Variants in THEMIS observed in about 807,000 individuals in gnomAD.
THEMIS encodes the protein thymocyte selection associated, also known as protein THEMIS.
Under a neutral mutation model 52.6 loss-of-function variants are expected in THEMIS, and 37 were observed. The observed-to-expected ratio is 0.70, with a 90% CI of 0.54 to 0.93. The LOEUF is 0.93. THEMIS is among the 40% of genes least tolerant of loss of function. The pLI, the probability that THEMIS is intolerant of heterozygous loss-of-function variation, is 0.00. For missense variants in THEMIS, 808 were observed against 763.1 expected, an observed-to-expected ratio of 1.06 and a Z score of -0.69; for synonymous variants, 292 against 272.7, an observed-to-expected ratio of 1.07 and a Z score of -0.70.
intron 3 of THEMIS, among the ~76,000 whole-genome samples, chr6:127,821,731 T>C (rs1468566027): frequency 6.6e-6 from 1 of 152,022 alleles, no homozygotes; most frequent in Admixed American, 6.5e-5. Flanking sequence ...ACTAAAATTG[T>C]CTTTAAAGAG....
intron 1 of THEMIS, among the ~76,000 whole-genome samples, chr6:127,914,362 C>T (rs1781474618): frequency 6.6e-6 from 1 of 152,054 alleles, no homozygotes; most frequent in South Asian, 2.1e-4. Flanking sequence ...TTTGTAAATT[C>T]CTAAGGGACG....
chr6:127,704,677 C>T (rs117584535), downstream of THEMIS, among the ~76,000 whole-genome samples: 540 of 152,308 alleles, frequency 3.5e-3, 8 homozygotes, highest in East Asian at 0.041. Context: ...GTAAGCCCAG[C>T]AGCAGCACTT....
chr6:127,872,190 A>G (rs1331523789), intron 1 of THEMIS, among the ~76,000 whole-genome samples: 2 of 152,170 alleles, frequency 1.3e-5, no homozygotes, highest in African/African-American at 2.4e-5. Flanking sequence ...TTAACAGGCT[A>G]AAAAAAGGTA....
At chr6:127,843,921 C>T (rs1356787651) in intron 2 of THEMIS, among the ~76,000 whole-genome samples, 1 of 151,990 alleles carries the variant, frequency 6.6e-6, no homozygotes, top group Non-Finnish European at 1.5e-5. Flanking sequence ...GTCAAATCTT[C>T]AGAGACTCCA....
intron 4 of THEMIS, among the ~76,000 whole-genome samples, chr6:127,788,884 T>C (rs1472493493): frequency 1.3e-5 from 2 of 152,060 alleles, no homozygotes; most frequent in Non-Finnish European, 2.9e-5. Context: ...AAAGTAGTGT[T>C]TAGAGTGAAA....
chr6:127,772,127 A>C (rs2114442576), intron 4 of THEMIS, among the ~76,000 whole-genome samples: 1 of 151,990 alleles, frequency 6.6e-6, no homozygotes, highest in African/African-American at 2.4e-5. Flanking sequence ...ATTAATAGAT[A>C]TCTAGATTTC....
At chr6:127,784,445 T>C (rs2114494072) in intron 4 of THEMIS, among the ~76,000 whole-genome samples, 1 of 152,328 alleles carries the variant, frequency 6.6e-6, no homozygotes, top group Middle Eastern at 3.4e-3. Flanking sequence ...TATATCCCTC[T>C]TGCTTCTCAG....
intron 4 of THEMIS, among the ~76,000 whole-genome samples, chr6:127,795,397 C>T (rs1343594307): frequency 2.0e-5 from 3 of 152,128 alleles, no homozygotes; most frequent in East Asian, 1.9e-4. Context: ...GGCACGATCT[C>T]GGCTCACTGC....
intron 4 of THEMIS, among the ~76,000 whole-genome samples, chr6:127,805,190 GTGGTAAATATCTCAAAGGAGACCAA>G (rs1435935777): frequency 2.0e-5 from 3 of 152,012 alleles, no homozygotes; most frequent in Admixed American, 2.0e-4. Flanking sequence ...TAATTGGCTT[GTGGTAAATATCTCAAAGGAGACCAA>G]TGGTAAATAT....
At chr6:127,706,353 TAC>T (rs1378736918), downstream of THEMIS, among the ~76,000 whole-genome samples, 2 of 152,156 alleles carry the variant, frequency 1.3e-5, no homozygotes, top group Non-Finnish European at 2.9e-5. Flanking sequence ...GTCCCTATTT[TAC>T]ATATATGTAG....
intron 5 of THEMIS, among the ~76,000 whole-genome samples, chr6:127,717,381 T>A (rs1449238406): frequency 2.0e-5 from 3 of 151,938 alleles, no homozygotes; most frequent in African/African-American, 7.2e-5. Context: ...CACTTAATCA[T>A]CCTACTTTCA....
At chr6:127,827,510 C>T (rs1456041671) in intron 3 of THEMIS, among the ~76,000 whole-genome samples, 2 of 152,170 alleles carry the variant, frequency 1.3e-5, no homozygotes, top group East Asian at 3.8e-4. Context: ...GGTATTATTT[C>T]AACCAAGGGC....
At chr6:127,703,040 T>TTTTTTTTG in the THEMIS span, among the ~76,000 whole-genome samples, 1 of 98,628 alleles carries the variant, frequency 1.0e-5, no homozygotes, top group Non-Finnish European at 2.1e-5. Flanking sequence ...AATGAGTTTT[T>TTTTTTTTG]TTTTTTTTTT....
At chr6:127,762,234 G>A (rs542200785) in intron 4 of THEMIS, among the ~76,000 whole-genome samples, 1 of 152,192 alleles carries the variant, frequency 6.6e-6, no homozygotes, top group Admixed American at 6.6e-5. Flanking sequence ...GAAAGGGATG[G>A]TGGTTGTCAG....
chr6:127,851,442 C>A (rs1779421673), intron 2 of THEMIS, among the ~76,000 whole-genome samples: 1 of 151,556 alleles, frequency 6.6e-6, no homozygotes, highest in Non-Finnish European at 1.5e-5. Context: ...AGAGTCAAAT[C>A]TGATAAAGAC....
chr6:127,828,797 C>A (rs916728123), intron 3 of THEMIS, among the ~76,000 whole-genome samples: 1 of 151,942 alleles, frequency 6.6e-6, no homozygotes, highest in Non-Finnish European at 1.5e-5. Flanking sequence ...ACTAAAAGTA[C>A]AAAAAAATTA....
intron 4 of THEMIS, among the ~76,000 whole-genome samples, chr6:127,747,941 GA>G (rs1329687285): frequency 6.6e-6 from 1 of 151,948 alleles, no homozygotes; most frequent in African/African-American, 2.4e-5. Flanking sequence ...TGTAAATGAA[GA>G]AAGGAATAAA....
chr6:127,864,275 A>G (rs1488563183), intron 1 of THEMIS, among the ~76,000 whole-genome samples: 2 of 152,040 alleles, frequency 1.3e-5, no homozygotes, highest in Admixed American at 1.3e-4. Flanking sequence ...TAGTACAAAG[A>G]GAAAAAATAA....
intron 2 of THEMIS, among the ~76,000 whole-genome samples, chr6:127,844,579 C>T (rs1203095770): frequency 6.6e-6 from 1 of 150,932 alleles, no homozygotes; most frequent in Non-Finnish European, 1.5e-5. Context: ...TGTGAACTTG[C>T]TGTTTGGGAA....
Sources: allele counts gnomAD v4.1 joint callset (sites outside exome capture counted in the v4.1 genomes callset), GRCh38; gene constraint gnomAD v4.1.1; transcripts MANE v1.5; gene names NCBI Gene and HGNC (gene_info 2026-07-23, HGNC 2026-07-21).